USH2A: variants seen among roughly 807,000 people sequenced by gnomAD.
The protein encoded by USH2A is Usher syndrome 2A (autosomal recessive, mild).
A neutral mutation model predicts 538.9 loss-of-function variants in USH2A; 443 were observed. That is an observed-to-expected ratio of 0.82 (90% CI 0.76 to 0.89). The LOEUF (loss-of-function observed/expected upper bound fraction) is 0.89. Among genes scored for constraint, USH2A ranks in the 40% least tolerant of loss-of-function variants. The pLI, the probability that USH2A is intolerant of heterozygous loss-of-function variation, is 0.00. For synonymous variants in USH2A, 2,413 were observed against 2,273.5 expected (o/e 1.06, Z -1.75); for missense variants, 6,633 against 6,324.8 (o/e 1.05, Z -1.65).
At chr1:216,370,397 C>T (rs558468574) in intron 3 of USH2A, among the ~76,000 whole-genome samples, 21 of 150,694 alleles carry the variant, frequency 1.4e-4, no homozygotes, top group Admixed American at 9.9e-4. Context: ...TAGCTTGGTG[C>T]GGTGGCTCAC....
intron 50 of USH2A, among the ~76,000 whole-genome samples, chr1:215,795,670 C>G (rs1458894300): frequency 6.6e-6 from 1 of 152,160 alleles, no homozygotes; most frequent in Non-Finnish European, 1.5e-5. Flanking sequence ...TCCCTGCCAC[C>G]TTGGTTCTAT....
intron 32 of USH2A, among the ~76,000 whole-genome samples, chr1:216,029,693 T>C (rs549718942): frequency 9.9e-5 from 15 of 151,970 alleles, no homozygotes; most frequent in Admixed American, 8.5e-4. Flanking sequence ...TCAGCAATTC[T>C]CTTAACGTCC....
chr1:215,870,497 G>A (rs1664599066), intron 43 of USH2A, among the ~76,000 whole-genome samples: 1 of 142,816 alleles, frequency 7.0e-6, no homozygotes, highest in Non-Finnish European at 1.5e-5. Flanking sequence ...GGGTTTCATC[G>A]TGTTAGCCAG....
At chr1:215,698,755 T>G (rs1658902558) in intron 61 of USH2A, among the ~76,000 whole-genome samples, 1 of 152,232 alleles carries the variant, frequency 6.6e-6, no homozygotes, top group Non-Finnish European at 1.5e-5. Context: ...TGCAAAAATT[T>G]TCTCCCATTC....
At chr1:216,199,479 T>G (rs2102465827) in intron 17 of USH2A, 148 bp downstream of exon 17, 1 of 1,211,116 alleles carries the variant, frequency 8.3e-7, no homozygotes, top group East Asian at 2.5e-5. Context: ...GGACAAATAC[T>G]ATCTTATATC....
At chr1:215,777,809 G>A (rs570605566) in intron 55 of USH2A, among the ~76,000 whole-genome samples, 3 of 152,244 alleles carry the variant, frequency 2.0e-5, no homozygotes, top group Non-Finnish European at 2.9e-5. Flanking sequence ...ACGCTGAGTA[G>A]GTTGGCTTTC....
At chr1:215,872,746 G>C (rs1156582238) in intron 43 of USH2A, among the ~76,000 whole-genome samples, 1 of 151,920 alleles carries the variant, frequency 6.6e-6, no homozygotes, top group Non-Finnish European at 1.5e-5. Flanking sequence ...TGGATCATAG[G>C]GGTGAATCCC....
chr1:215,747,405 T>C (rs949838378), intron 58 of USH2A, among the ~76,000 whole-genome samples: 1 of 152,220 alleles, frequency 6.6e-6, no homozygotes, highest in African/African-American at 2.4e-5. Context: ...AAGGCTATTC[T>C]TCGAGGCCTA....
At chr1:216,332,789 G>C (rs1383127239) in intron 4 of USH2A, among the ~76,000 whole-genome samples, 3 of 152,110 alleles carry the variant, frequency 2.0e-5, no homozygotes, top group African/African-American at 7.2e-5. Context: ...AATTAGCTCA[G>C]GAAAGCCACT....
At chr1:216,182,446 A>T (rs181798413) in intron 20 of USH2A, among the ~76,000 whole-genome samples, 7 of 152,246 alleles carry the variant, frequency 4.6e-5, no homozygotes, top group Admixed American at 2.6e-4. Flanking sequence ...ATAAAGTCGC[A>T]TATCTAAATA....
rs138333552 is a variant in USH2A, at chr1:216,056,106, T to C, written c.6050-7459A>G. Among the ~76,000 whole-genome samples, 357 of 152,322 alleles carry C rather than the reference T, an allele frequency of 2.3e-3. 2 individuals are homozygous for C. Among genetic ancestry groups the C allele is most frequent in the African/African-American group, 8.4e-3 (349 of 41,570 alleles). On this transcript the variant is annotated intron_variant, in intron 30 of 71. Coordinates refer to ENST00000307340, the MANE Select transcript of USH2A (RefSeq NM_206933.4). ...ATCCAGTTAAGATTCTCTCAGCAGGTTTACCTCTAACCTCAAATTTTTAAT... is the reference window on the plus strand; with the variant it reads ...ATCCAGTTAAGATTCTCTCAGCAGGCTTACCTCTAACCTCAAATTTTTAAT...
intron 21 of USH2A, among the ~76,000 whole-genome samples, chr1:216,129,127 C>A (rs1239336878): frequency 6.6e-6 from 1 of 151,952 alleles, no homozygotes; most frequent in Non-Finnish European, 1.5e-5. Context: ...TGAATATGTA[C>A]CACATTTTCT....
At chr1:215,707,640 C>T (rs1659217092) in intron 61 of USH2A, among the ~76,000 whole-genome samples, 1 of 152,134 alleles carries the variant, frequency 6.6e-6, no homozygotes, top group Non-Finnish European at 1.5e-5. Context: ...AAAAATAAAG[C>T]TCTGAGATTG....
chr1:215,887,798 G>T (rs1345301568), intron 41 of USH2A, among the ~76,000 whole-genome samples: 1 of 152,170 alleles, frequency 6.6e-6, no homozygotes, highest in Admixed American at 6.5e-5. Flanking sequence ...AGTAGTACAA[G>T]ACTGAATCCA....
chr1:216,287,262 C>A (rs1163458514), intron 11 of USH2A, among the ~76,000 whole-genome samples: 1 of 152,124 alleles, frequency 6.6e-6, no homozygotes, highest in African/African-American at 2.4e-5. Context: ...TTCATAAAAA[C>A]CACTCTCAGA....
At chr1:216,060,981 A>G (rs2031159696) in intron 30 of USH2A, among the ~76,000 whole-genome samples, 1 of 152,202 alleles carries the variant, frequency 6.6e-6, no homozygotes, top group African/African-American at 2.4e-5. Context: ...AAATCTAAAG[A>G]TACACAGGAG....
intron 14 of USH2A, among the ~76,000 whole-genome samples, chr1:216,227,811 G>A (rs2035591030): frequency 6.6e-6 from 1 of 152,136 alleles, no homozygotes; most frequent in Non-Finnish European, 1.5e-5. Context: ...AAGGGGGAAA[G>A]AAAGTAAATT....
chr1:215,998,130 T>G (rs1668180127), intron 34 of USH2A, among the ~76,000 whole-genome samples: 1 of 152,128 alleles, frequency 6.6e-6, no homozygotes, highest in Non-Finnish European at 1.5e-5. Context: ...CAAATATCCT[T>G]ATATAGGTAT....
Position 216,027,876 on chromosome 1 carries a change from T to C in USH2A, c.6325+18555A>G, listed in dbSNP as rs912517521. Among the ~76,000 whole-genome samples the C allele has an allele frequency of 1.1e-4, 16 of 152,228 alleles. 1 individual carries two copies. The highest frequency in any genetic ancestry group is 2.4e-4 in the Non-Finnish European group (16 of 68,030). On this transcript the variant is annotated intron_variant, in intron 32 of 71. Coordinates refer to ENST00000307340, the MANE Select transcript of USH2A (RefSeq NM_206933.4). ...CCACTGAATATAGTTAATAGTTTAA[T>C]GAAATTTCCCATCATTCTTTTACTT...
Sources: allele counts gnomAD v4.1 joint callset (sites outside exome capture counted in the v4.1 genomes callset), GRCh38; gene constraint gnomAD v4.1.1; transcripts MANE v1.5; gene names NCBI Gene and HGNC (gene_info 2026-07-23, HGNC 2026-07-21).